Variants in TAS2R1 observed in about 807,000 individuals in gnomAD.
TAS2R1 encodes the protein taste 2 receptor member 1, also known as taste receptor type 2 member 1.
For synonymous variants in TAS2R1, 141 were observed against 134.2 expected (o/e 1.05, Z -0.35); for missense variants, 370 against 353.4 (o/e 1.05, Z -0.38).
At chr5:9,789,195 C>T in the TAS2R1 span, among the ~76,000 whole-genome samples, 1 of 152,128 alleles carries the variant, frequency 6.6e-6, no homozygotes, top group Non-Finnish European at 1.5e-5. Flanking sequence ...GTATTTGATA[C>T]AAAGCATCAA....
At chr5:9,708,876 C>T (rs1006879792) in intron 1 of TAS2R1, among the ~76,000 whole-genome samples, 2 of 152,132 alleles carry the variant, frequency 1.3e-5, no homozygotes, top group African/African-American at 4.8e-5. Context: ...TCTGTCTGTT[C>T]CCCAACTCAG....
At chr5:9,850,307 G>A in the TAS2R1 span, among the ~76,000 whole-genome samples, 2 of 152,158 alleles carry the variant, frequency 1.3e-5, no homozygotes, top group South Asian at 2.1e-4. Flanking sequence ...TAGGGTCCAT[G>A]TCAAATCCAT....
chr5:9,865,444 T>C, the TAS2R1 span, among the ~76,000 whole-genome samples: 4 of 152,320 alleles, frequency 2.6e-5, no homozygotes, highest in East Asian at 5.8e-4. Context: ...CAATGCATTA[T>C]TTTTGATGTT....
chr5:9,705,952 G>T (rs192337353), intron 1 of TAS2R1, among the ~76,000 whole-genome samples: 3 of 152,228 alleles, frequency 2.0e-5, no homozygotes, highest in Non-Finnish European at 4.4e-5. Flanking sequence ...AAGGGACCTG[G>T]GTGAGTGAGG....
chr5:9,718,732 T>C, the TAS2R1 span, among the ~76,000 whole-genome samples: 1 of 152,360 alleles, frequency 6.6e-6, no homozygotes, highest in Non-Finnish European at 1.5e-5. Context: ...ACATAGTATG[T>C]GCTTCCAGAA....
chr5:9,841,528 T>A, the TAS2R1 span, among the ~76,000 whole-genome samples: 1 of 152,200 alleles, frequency 6.6e-6, no homozygotes, highest in African/African-American at 2.4e-5. Flanking sequence ...ATTTATTAAA[T>A]TTTTTAGTTT....
At chr5:9,822,084 T>G in the TAS2R1 span, among the ~76,000 whole-genome samples, 1 of 152,212 alleles carries the variant, frequency 6.6e-6, no homozygotes, top group African/African-American at 2.4e-5. Context: ...TTTGTGAGAT[T>G]GGCTTCGTTC....
chr5:9,848,914 G>A, the TAS2R1 span, among the ~76,000 whole-genome samples: 1 of 152,248 alleles, frequency 6.6e-6, no homozygotes, highest in East Asian at 1.9e-4. Context: ...ACTTCCTTCA[G>A]GAAACCGTCC....
intron 2 of TAS2R1, among the ~76,000 whole-genome samples, chr5:9,644,701 G>T (rs1027005071): frequency 2.6e-5 from 4 of 152,154 alleles, no homozygotes; most frequent in African/African-American, 9.7e-5. Flanking sequence ...ATTATGTAGG[G>T]ATGAGATTGC....
At chr5:9,805,657 T>C in the TAS2R1 span, among the ~76,000 whole-genome samples, 1 of 152,110 alleles carries the variant, frequency 6.6e-6, no homozygotes, top group Admixed American at 6.5e-5. Flanking sequence ...CACATGATCA[T>C]CTCAATAGAT....
chr5:9,765,762 G>T, the TAS2R1 span: 1 of 152,212 alleles, frequency 6.6e-6, no homozygotes, highest in African/African-American at 2.4e-5. Flanking sequence ...AAGAATAAAC[G>T]ACCCAGTACC....
At chr5:9,852,596 C>A in the TAS2R1 span, among the ~76,000 whole-genome samples, 3 of 152,204 alleles carry the variant, frequency 2.0e-5, no homozygotes, top group East Asian at 3.8e-4. Flanking sequence ...GATATGTTAA[C>A]CTGTGCACAC....
intron 1 of TAS2R1, among the ~76,000 whole-genome samples, chr5:9,663,600 C>A (rs547960930): frequency 6.6e-6 from 1 of 152,268 alleles, no homozygotes; most frequent in East Asian, 1.9e-4. Context: ...CTATACTGAG[C>A]TTGCTTTCTT....
At chr5:9,728,715 G>A in the TAS2R1 span, among the ~76,000 whole-genome samples, 3 of 152,186 alleles carry the variant, frequency 2.0e-5, no homozygotes, top group African/African-American at 7.2e-5. Context: ...CGAAACCCAA[G>A]GGCAAGTGGC....
upstream of TAS2R1, among the ~76,000 whole-genome samples, chr5:9,632,007 A>G (rs1222376389): frequency 6.6e-6 from 1 of 152,220 alleles, no homozygotes; most frequent in Non-Finnish European, 1.5e-5. Flanking sequence ...CTCCAGTAGA[A>G]AGAAGAAGAA....
intron 1 of TAS2R1, among the ~76,000 whole-genome samples, chr5:9,675,752 G>T (rs1470573214): frequency 6.6e-6 from 1 of 152,048 alleles, no homozygotes; most frequent in African/African-American, 2.4e-5. Context: ...TTGTGTGTGT[G>T]TGTACAGACT....
chr5:9,751,025 A>C, the TAS2R1 span, among the ~76,000 whole-genome samples: 1 of 151,734 alleles, frequency 6.6e-6, no homozygotes, highest in East Asian at 1.9e-4. Context: ...CAGCCCAGAA[A>C]TGACCAGGGC....
the TAS2R1 span, among the ~76,000 whole-genome samples, chr5:9,785,860 A>G: frequency 6.6e-6 from 1 of 152,158 alleles, no homozygotes; most frequent in Non-Finnish European, 1.5e-5. Context: ...CAAAAGTTAC[A>G]CATCATCTCA....
At chr5:9,666,416 C>T (rs1740633889) in intron 1 of TAS2R1, among the ~76,000 whole-genome samples, 1 of 152,136 alleles carries the variant, frequency 6.6e-6, no homozygotes, top group African/African-American at 2.4e-5. Context: ...CAGCTATGCT[C>T]TTAATGTCTA....
Sources: gnomAD v4.1 joint callset for allele counts (sites outside exome capture counted in the v4.1 genomes callset) on GRCh38, gnomAD v4.1.1 for gene constraint, MANE v1.5 for transcripts, NCBI Gene and HGNC (gene_info 2026-07-23, HGNC 2026-07-21) for gene names.